The following NRXN3 variants were observed in gnomAD, a reference collection of about 807,000 sequenced individuals.
NRXN3 encodes the protein neurexin 3.
Under a neutral mutation model 137.6 loss-of-function variants are expected in NRXN3, and 32 were observed. The ratio of observed to expected loss-of-function variants is 0.23; its 90% CI spans 0.18 to 0.31. NRXN3 has a LOEUF of 0.31. Among genes scored for constraint, NRXN3 ranks in the 10% least tolerant of loss-of-function variants. The probability of loss-of-function intolerance (pLI) is 1.00; values close to 1 mark genes in which losing one functional copy is unlikely to be tolerated. For missense variants in NRXN3, 1,574 were observed against 2,062.5 expected (o/e 0.76, Z 4.59); for synonymous variants, 798 against 784.5 (o/e 1.02, Z -0.29).
intron 16 of NRXN3, among the ~76,000 whole-genome samples, chr14:79,589,379 G>A (rs1057215122): frequency 6.6e-6 from 1 of 151,842 alleles, no homozygotes; most frequent in African/African-American, 2.4e-5. Context: ...TCTGTACTTA[G>A]TAATAGCTTT....
intron 10 of NRXN3, among the ~76,000 whole-genome samples, chr14:78,942,056 A>G (rs2099354092): frequency 1.3e-5 from 2 of 152,206 alleles, no homozygotes; most frequent in Non-Finnish European, 2.9e-5. Flanking sequence ...TGGAGATGAT[A>G]GGTCGTCTTA....
chr14:79,722,307 T>C (rs892261698), intron 19 of NRXN3, among the ~76,000 whole-genome samples: 1 of 152,102 alleles, frequency 6.6e-6, no homozygotes, highest in African/African-American at 2.4e-5. Context: ...TTGCAGCGCA[T>C]GTATGAGTAA....
Position 79,559,860 on chromosome 14 carries a change from G to A in NRXN3, c.3444+92458G>A, listed in dbSNP as rs140701259. On this transcript the variant is annotated intron_variant, in intron 16 of 20. Coordinates refer to ENST00000335750, the MANE Select transcript of NRXN3 (RefSeq NM_001330195.2). ...TTTTGTAGTCAGAGGGCTATTGTAT[G>A]TACTTGGAAAAAGTGTACATGCTAG... 9.7e-3 allele frequency among the ~76,000 whole-genome samples: 1,475 copies of A among 152,238 alleles called. 25 individuals carry two copies. The highest frequency in any genetic ancestry group is 0.034 in the African/African-American group (1,413 of 41,548).
chr14:78,911,958 T>C (rs1042316527), intron 10 of NRXN3, among the ~76,000 whole-genome samples: 2 of 151,864 alleles, frequency 1.3e-5, no homozygotes, highest in Non-Finnish European at 2.9e-5. Context: ...TTAGGGTACA[T>C]GTGCACAACG....
intron 15 of NRXN3, among the ~76,000 whole-genome samples, chr14:79,275,707 G>GGTGTGGATGCAA (rs2080171601): frequency 6.6e-6 from 1 of 151,716 alleles, no homozygotes; most frequent in Non-Finnish European, 1.5e-5. Context: ...CCTTACCCTG[G>GGTGTGGATGCAA]GACATTCTCT....
intron 16 of NRXN3, among the ~76,000 whole-genome samples, chr14:79,511,034 T>G (rs1287997520): frequency 2.0e-5 from 3 of 152,130 alleles, no homozygotes; most frequent in Non-Finnish European, 2.9e-5. Context: ...CATGGAGTTC[T>G]AGGTTTTGGA....
chr14:79,448,874 C>A (rs2096116466), intron 15 of NRXN3, among the ~76,000 whole-genome samples: 1 of 152,156 alleles, frequency 6.6e-6, no homozygotes, highest in African/African-American at 2.4e-5. Flanking sequence ...ATTGTAGAAG[C>A]TGGAAATGAC....
At chr14:78,485,145 C>G (rs548101083) in intron 4 of NRXN3, among the ~76,000 whole-genome samples, 62 of 152,274 alleles carry the variant, frequency 4.1e-4, no homozygotes, top group Middle Eastern at 3.4e-3. Context: ...AGAGATTGAG[C>G]CAGCTGGTGA....
chr14:78,250,454 C>G (rs2068430625), intron 2 of NRXN3, among the ~76,000 whole-genome samples: 1 of 152,266 alleles, frequency 6.6e-6, no homozygotes, highest in Non-Finnish European at 1.5e-5. Flanking sequence ...TTCCCTTATC[C>G]CAGTCTGAAA....
chr14:78,366,931 G>A (rs2086050708), intron 4 of NRXN3, among the ~76,000 whole-genome samples: 3 of 152,120 alleles, frequency 2.0e-5, no homozygotes, highest in Admixed American at 2.0e-4. Flanking sequence ...TCCTCAGCGT[G>A]GCACCAGCTC....
intron 1 of NRXN3, among the ~76,000 whole-genome samples, chr14:78,225,375 T>G (rs1401405119): frequency 6.6e-6 from 1 of 152,202 alleles, no homozygotes; most frequent in Non-Finnish European, 1.5e-5. Flanking sequence ...TTTTCATGTG[T>G]TTTTTGGCTG....
In NRXN3 at chr14:79,158,370, C is replaced by A. The variant is rs113270724; in HGVS notation, c.3262+170229C>A. On this transcript the variant is annotated intron_variant, in intron 15 of 20. Coordinates refer to ENST00000335750, the MANE Select transcript of NRXN3 (RefSeq NM_001330195.2). ...ATTAATGAGTTGGTTAATGTGGTAT[C>A]AATTTAGGGCAGAAATCATTTTGAG... Among the ~76,000 whole-genome samples the A allele has an allele frequency of 1.7e-3, 258 of 151,878 alleles. 1 individual carries two copies. The highest frequency in any genetic ancestry group is 5.6e-3 in the African/African-American group (233 of 41,504).
intron 4 of NRXN3, among the ~76,000 whole-genome samples, chr14:78,502,120 C>G (rs2095889256): frequency 6.6e-6 from 1 of 152,250 alleles, no homozygotes; most frequent in South Asian, 2.1e-4. Context: ...TTTCACAGCT[C>G]TTTCCCCCAG....
intron 16 of NRXN3, among the ~76,000 whole-genome samples, chr14:79,491,137 C>CTAT (rs890863263): frequency 5.3e-5 from 8 of 152,006 alleles, no homozygotes; most frequent in Non-Finnish European, 7.4e-5. Context: ...AAGGTAGGAA[C>CTAT]TATTATCCTG....
chr14:79,459,942 A>G (rs1376453107), intron 15 of NRXN3, among the ~76,000 whole-genome samples: 1 of 152,092 alleles, frequency 6.6e-6, no homozygotes, highest in Non-Finnish European at 1.5e-5. Flanking sequence ...ACCACTAATC[A>G]TCTTTTTCCT....
At chr14:79,349,585 C>CACACACAG (rs2093100708) in intron 15 of NRXN3, among the ~76,000 whole-genome samples, 1 of 129,582 alleles carries the variant, frequency 7.7e-6, no homozygotes, top group South Asian at 2.6e-4. Context: ...CACACACACA[C>CACACACAG]ACAGACAATA....
intron 15 of NRXN3, among the ~76,000 whole-genome samples, chr14:79,386,689 T>A (rs948546506): frequency 2.6e-5 from 4 of 152,122 alleles, no homozygotes; most frequent in Non-Finnish European, 4.4e-5. Flanking sequence ...TCACACTACC[T>A]GACTTCAAAC....
intron 19 of NRXN3, among the ~76,000 whole-genome samples, chr14:79,800,055 T>C (rs1020464789): frequency 6.6e-6 from 1 of 152,206 alleles, no homozygotes; most frequent in African/African-American, 2.4e-5. Flanking sequence ...TGGGTGGTCA[T>C]AGAGTTTTTA....
At chr14:79,158,130 G>T (rs1398053176) in intron 15 of NRXN3, among the ~76,000 whole-genome samples, 3 of 151,494 alleles carry the variant, frequency 2.0e-5, no homozygotes, top group Non-Finnish European at 4.4e-5. Flanking sequence ...TCAAATGCAG[G>T]TTGATTTATT....
Sources: gnomAD v4.1 joint callset for allele counts (sites outside exome capture counted in the v4.1 genomes callset) on GRCh38, gnomAD v4.1.1 for gene constraint, MANE v1.5 for transcripts, NCBI Gene and HGNC (gene_info 2026-07-23, HGNC 2026-07-21) for gene names.